The following SLC8B1 variants were observed in gnomAD, a reference collection of about 807,000 sequenced individuals.
SLC8B1 encodes mitochondrial sodium/calcium exchanger protein.
In SLC8B1, 52 loss-of-function variants were observed where a neutral mutation model predicts 63.4. That is an observed-to-expected ratio of 0.82 (90% confidence interval 0.66 to 1.03). The LOEUF (loss-of-function observed/expected upper bound fraction) is 1.03. Among genes scored for constraint, SLC8B1 ranks in the 50% least tolerant of loss-of-function variants. The pLI is 0.00. For synonymous variants in SLC8B1, 336 were observed against 323.9 expected (o/e 1.04, Z -0.40); for missense variants, 657 against 741.7 (o/e 0.89, Z 1.33).
intron 2 of SLC8B1, among the ~76,000 whole-genome samples, chr12:113,326,377 A>C (rs1956997705): frequency 6.6e-6 from 1 of 151,776 alleles, no homozygotes. Context: ...TTATTTACTT[A>C]TTTATTTTGA....
intron 1 of SLC8B1, among the ~76,000 whole-genome samples, chr12:113,333,740 ACT>A (rs1490623136): frequency 6.6e-6 from 1 of 151,268 alleles, no homozygotes; most frequent in African/African-American, 2.4e-5. Context: ...ATGGAGTCTC[ACT>A]CTGTTACCCA....
chr12:113,315,508 G>C (rs1286867694), intron 10 of SLC8B1, 32 bp from the exon 11 acceptor site: 13 of 1,528,606 alleles, frequency 8.5e-6, no homozygotes, highest in African/African-American at 2.7e-5. Flanking sequence ...GAGGGTGTCG[G>C]CAGGGAAGTC....
At chr12:113,304,269 A>T (rs201114039) in intron 15 of SLC8B1, 52 bp downstream of exon 15, 15 of 1,566,514 alleles carry the variant, frequency 9.6e-6, no homozygotes, top group Non-Finnish European at 1.3e-5. Flanking sequence ...CCCCTTCCCC[A>T]TCAAGCTACA....
chr12:113,307,960 G>T, intron 12 of SLC8B1, 116 bp from the exon 13 acceptor site: 2 of 1,250,624 alleles, frequency 1.6e-6, no homozygotes, highest in Non-Finnish European at 2.2e-6. Flanking sequence ...CTTATTATGA[G>T]TATAAAACAC....
chr12:113,299,634 C>T lies in SLC8B1; in HGVS notation c.*143G>A. On this transcript the variant is annotated 3_prime_UTR_variant, in exon 16 of 16. Coordinates refer to ENST00000680972, the MANE Select transcript of SLC8B1 (RefSeq NM_001358345.2). ...ACACAGCAGTTCTCCCAGCTCACAG[C>T]AGTGACCTCAGATCTCCAGCAGCAA... 1 of 743,572 alleles carries T rather than the reference C, an allele frequency of 1.3e-6. No individual in the cohort carries two copies. The highest frequency in any genetic ancestry group is 2.3e-5 in the Admixed American group (1 of 44,264). The allele number at this position is 743,572 out of a possible 1,614,324, so 46.1% of individuals were successfully genotyped here.
At chr12:113,302,704 C>T (rs751752430) in intron 15 of SLC8B1, 5 of 456,050 alleles carry the variant, frequency 1.1e-5, no homozygotes, top group Non-Finnish European at 2.2e-5. Context: ...TCCTCGTCTC[C>T]AACCCACAGA....
intron 2 of SLC8B1, among the ~76,000 whole-genome samples, chr12:113,331,775 A>G: frequency 6.6e-6 from 1 of 152,024 alleles, no homozygotes; most frequent in East Asian, 1.9e-4. Flanking sequence ...TCCCCTTTAC[A>G]TATACATCTA....
rs367598976 is a variant in SLC8B1, at chr12:113,304,357, G to A, written c.1521C>T (p.Cys507=). The A allele has an allele frequency of 1.9e-5, 30 of 1,613,950 alleles. 1 individual carries two copies. The highest frequency in any genetic ancestry group is 1.6e-4 in the East Asian group (7 of 44,872). ...TGTGGCTTCGGGAGATCTGGAGCAG[G>A]CAGCCCAGCCCCACACCCACGAGGA... The part of the protein sequence containing the change: ...FNILVGVGLG[C]LLQISRSHTE... The change falls in exon 15 of 16, where the codon TGC becomes TGT. Residue 507 remains cysteine, a synonymous_variant. Transcript: ENST00000680972.
At chr12:113,326,339 ATTCT>A (rs748882478) in intron 2 of SLC8B1, among the ~76,000 whole-genome samples, 5 of 151,990 alleles carry the variant, frequency 3.3e-5, no homozygotes, top group East Asian at 3.9e-4. Flanking sequence ...CTCTTATTCT[ATTCT>A]TTCTTTCTTT....
At chr12:113,306,281 A>C (rs551927603) in intron 14 of SLC8B1, among the ~76,000 whole-genome samples, 5 of 152,006 alleles carry the variant, frequency 3.3e-5, no homozygotes, top group Non-Finnish European at 7.4e-5. Flanking sequence ...AGGGGCCAAG[A>C]ATTTCATTCA....
At position 113,303,114 on chromosome 12, in the gene SLC8B1, G is replaced by GACACAC. The variant is rs57763094; in HGVS notation, c.1557+1201_1557+1206dup. On this transcript the variant is annotated intron_variant, in intron 15 of 15. Coordinates refer to ENST00000680972, the MANE Select transcript of SLC8B1 (RefSeq NM_001358345.2). The stretch of plus-strand genomic sequence containing the variant: ...TCCTAAACTCAGCACAAAGGCGGTG[G>GACACAC]ACACACACACACACACACACACACA... Among the ~76,000 whole-genome samples, 611 of 140,938 alleles carry GACACAC rather than the reference G, an allele frequency of 4.3e-3. 5 individuals are homozygous for GACACAC. Among genetic ancestry groups the GACACAC allele is most frequent in the African/African-American group, 0.015 (570 of 37,200 alleles). 92.5% of individuals were successfully genotyped at this position (140,938 alleles called of 152,430 possible). A position where few individuals can be genotyped will look rare whatever the true frequency, so the allele number is the denominator to read the frequency against.
intron 11 of SLC8B1, among the ~76,000 whole-genome samples, chr12:113,310,945 T>C (rs1437423470): frequency 6.6e-6 from 1 of 152,238 alleles, no homozygotes; most frequent in African/African-American, 2.4e-5. Flanking sequence ...CAAATGTTCA[T>C]ATACCTGCAT....
At position 113,321,076 on chromosome 12, in the gene SLC8B1, C is replaced by A; in HGVS notation, c.342G>T (p.Leu114=). 1 of 1,613,696 alleles carries A rather than the reference C, an allele frequency of 6.2e-7. No homozygotes were observed. Residue 114 remains leucine, a synonymous_variant, in exon 4 of 16, where the codon CTG becomes CTT. Coordinates refer to ENST00000680972, the MANE Select transcript of SLC8B1 (RefSeq NM_001358345.2). ...VSWLLYLFLI[L]GVTAAKFFCP... ...CTCACAACTTGGCTGCGGTGACTCC[C>A]AGAATCAGAAACAGGTAGAGCAGCC... is the stretch of plus-strand genomic sequence containing the variant.
chr12:113,321,183 G>A lies in SLC8B1; in HGVS notation c.309+13C>T. 1 of 1,614,028 alleles carries A rather than the reference G, an allele frequency of 6.2e-7. No individual in the cohort carries two copies. Among genetic ancestry groups the A allele is most frequent in the East Asian group, 2.2e-5 (1 of 44,882 alleles). On this transcript the variant is annotated intron_variant, in intron 3 of 15. Coordinates refer to ENST00000680972, the MANE Select transcript of SLC8B1 (RefSeq NM_001358345.2). ...CCAGCCCCTCTCACCAGCCCCCCAG[G>A]GCAGGGCCTCACGTAGAGAGTGACA...
chr12:113,320,605 C>T lies in SLC8B1; in HGVS notation c.502G>A (p.Gly168Ser), dbSNP rs577130341. The T allele has an allele frequency of 7.6e-5, 122 of 1,614,076 alleles. No individual in the cohort carries two copies. Among genetic ancestry groups the T allele is most frequent in the East Asian group, 1.6e-4 (7 of 44,884 alleles). Residue 168 changes from glycine to serine, a missense_variant, in exon 6 of 16, where the codon GGC (glycine) becomes AGC (serine). Coordinates refer to ENST00000680972, the MANE Select transcript of SLC8B1 (RefSeq NM_001358345.2). The surrounding 1 kb of genome is among the most constrained non-coding windows in gnomAD (Gnocchi z 5.3). ...LVAFSDPHTA[G>S]LALGALFGAG... Reference sequence around the variant, plus strand: ...CCAAACAGTGCCCCAAGGGCCAGGCCGGCTGTGTGCGGGTCAGAGAAGGCC... The same window carrying T: ...CCAAACAGTGCCCCAAGGGCCAGGCTGGCTGTGTGCGGGTCAGAGAAGGCC...
Position 113,299,672 on chromosome 12 carries a change from C to T in SLC8B1, c.*105G>A, listed in dbSNP as rs866173277. The stretch of plus-strand genomic sequence containing the variant: ...TCTCCAGCAGCAAGGGCCGCACTCT[C>T]GTGCCCACAAGGGCCTTGCAGAAAT... On this transcript the variant is annotated 3_prime_UTR_variant, in exon 16 of 16. Coordinates refer to ENST00000680972, the MANE Select transcript of SLC8B1 (RefSeq NM_001358345.2). 9.9e-6 allele frequency: 11 copies of T among 1,111,382 alleles called. No individual in the cohort carries two copies. Among genetic ancestry groups the T allele is most frequent in the Middle Eastern group, 2.7e-4 (1 of 3,664 alleles). The allele number at this position is 1,111,382 out of a possible 1,614,324, so 68.8% of individuals were successfully genotyped here.
At chr12:113,300,592 C>T (rs918550713) in intron 15 of SLC8B1, among the ~76,000 whole-genome samples, 1 of 152,238 alleles carries the variant, frequency 6.6e-6, no homozygotes, top group Non-Finnish European at 1.5e-5. Flanking sequence ...AGCAGCCCGG[C>T]CTGCCCTGTG....
In SLC8B1 at chr12:113,312,602, G is replaced by C. The variant is rs375484178; in HGVS notation, c.1136-2247C>G. Among the ~76,000 whole-genome samples, 34 of 152,276 alleles carry C rather than the reference G, an allele frequency of 2.2e-4. 3 individuals carry two copies. In the South Asian group the frequency reaches 5.2e-3, roughly 23 times the overall value. On this transcript the variant is annotated intron_variant, in intron 11 of 15. Transcript: ENST00000680972. ...CCTTCAGGCTGGGAGCCAGTCCAGGGGTTTTCTCTAGACAGTGCTCAGCCC... is the reference window on the plus strand; with the variant it reads ...CCTTCAGGCTGGGAGCCAGTCCAGGCGTTTTCTCTAGACAGTGCTCAGCCC...
In SLC8B1 at chr12:113,320,016, C is replaced by T. The variant is rs1956898941; in HGVS notation, c.694+315G>A. ...CTATGTTGCCCAGGCTGGTCTCAAA[C>T]TCCTGAACCAAAGTGATCCTCCTGC... On this transcript the variant is annotated intron_variant, in intron 7 of 15. Transcript: ENST00000680972. The surrounding 1 kb of genome is among the most constrained non-coding windows in gnomAD (Gnocchi z 5.3). The T allele has an allele frequency of 3.4e-6, 1 of 298,280 alleles. No homozygotes were observed. The highest frequency in any genetic ancestry group is 2.2e-5 in the African/African-American group (1 of 46,316). 18.5% of individuals were successfully genotyped at this position (298,280 alleles called of 1,614,324 possible). A position where few individuals can be genotyped will look rare whatever the true frequency, so the allele number is the denominator to read the frequency against.
Sources: allele counts gnomAD v4.1 joint callset (sites outside exome capture counted in the v4.1 genomes callset), GRCh38; gene constraint gnomAD v4.1.1; non-coding constraint Gnocchi (gnomAD v3.1); transcripts MANE v1.5; gene names NCBI Gene and HGNC (gene_info 2026-07-23, HGNC 2026-07-21).